VWDE: variants seen among roughly 807,000 people sequenced by gnomAD.
VWDE encodes von Willebrand factor D and EGF domains, also known as von Willebrand factor D and EGF domain-containing protein.
Under a neutral mutation model 178.4 loss-of-function variants are expected in VWDE, and 207 were observed. The observed-to-expected ratio is 1.16, with a 90% confidence interval of 1.04 to 1.30. The LOEUF (loss-of-function observed/expected upper bound fraction) is 1.30, where lower values mean the gene tolerates loss of function less well. Ranked by LOEUF, VWDE falls within the 50% of genes most tolerant of loss-of-function variation. The pLI is 0.00. For missense variants in VWDE, 2,287 were observed against 1,901.3 expected, an observed-to-expected ratio of 1.20 and a Z score of -3.77; for synonymous variants, 738 against 651.4, an observed-to-expected ratio of 1.13 and a Z score of -2.02.
intron 10 of VWDE, 119 bp from the exon 11 acceptor site, chr7:12,370,983 T>A (rs1783167307): frequency 2.4e-6 from 2 of 821,022 alleles, no homozygotes; most frequent in Non-Finnish European, 3.5e-6. Flanking sequence ...AAAAAAAGAA[T>A]AAAATACTGA....
intron 22 of VWDE, among the ~76,000 whole-genome samples, 197 bp from the exon 23 acceptor site, chr7:12,342,351 A>T (rs886904505): frequency 6.6e-6 from 1 of 152,192 alleles, no homozygotes; most frequent in Non-Finnish European, 1.5e-5. Flanking sequence ...ATTTTTGGTT[A>T]ATAGAGAGGG....
intron 6 of VWDE, among the ~76,000 whole-genome samples, chr7:12,379,265 T>C (rs1360011421): frequency 1.3e-5 from 2 of 152,206 alleles, no homozygotes; most frequent in Non-Finnish European, 2.9e-5. Flanking sequence ...CTTTAAAAAA[T>C]GAAGGTACAT....
At position 12,336,245 on chromosome 7, in the gene VWDE, C is replaced by G; in HGVS notation, c.4559-9G>C. On this transcript the variant is annotated splice_polypyrimidine_tract_variant and intron_variant, in intron 26 of 28. Transcript: ENST00000275358. ...TTTCTGCAAGCAGATAGCTGCCAAT[C>G]GAAATATAAACAAGTTAAAATTTTA... 2 of 1,549,574 alleles carry G rather than the reference C, an allele frequency of 1.3e-6. No individual in the cohort carries two copies. The highest frequency in any genetic ancestry group is 1.7e-4 in the Middle Eastern group (1 of 5,926).
chr7:12,379,672 A>T, intron 5 of VWDE, 106 bp from the exon 6 acceptor site: 1 of 635,642 alleles, frequency 1.6e-6, no homozygotes, highest in African/African-American at 1.9e-5. Flanking sequence ...GATAGTATAT[A>T]AAGATAATAA....
Position 12,336,252 on chromosome 7 carries a change from T to C in VWDE, c.4559-16A>G, listed in dbSNP as rs778219166. 1.2e-5 allele frequency: 18 copies of C among 1,547,300 alleles called. No homozygotes were observed. The highest frequency in any genetic ancestry group is 2.5e-5 in the East Asian group (1 of 40,776). ...AAGCAGATAGCTGCCAATCGAAATATAAACAAGTTAAAATTTTAAATTACT... is the reference window on the plus strand; with the variant it reads ...AAGCAGATAGCTGCCAATCGAAATACAAACAAGTTAAAATTTTAAATTACT... On this transcript the variant is annotated splice_polypyrimidine_tract_variant and intron_variant, in intron 26 of 28. Transcript: ENST00000275358.
chr7:12,343,328 C>T, intron 21 of VWDE, 150 bp from the exon 22 acceptor site: 1 of 517,620 alleles, frequency 1.9e-6, no homozygotes, highest in African/African-American at 1.9e-5. Flanking sequence ...TTCTGTGGGA[C>T]TGACTATATT....
chr7:12,377,545 C>T lies in VWDE; in HGVS notation c.1024+231G>A, dbSNP rs146018811. ...ATGATGACGAAGAGGAGATTATTCA[C>T]TATTTTTTTTCTTTTTTTAAAATGT... On this transcript the variant is annotated intron_variant, in intron 7 of 28. Coordinates refer to ENST00000275358, the MANE Select transcript of VWDE (RefSeq NM_001135924.3). The T allele has an allele frequency of 5.2e-3, 1,691 of 323,722 alleles. 30 individuals are homozygous for T. The highest frequency in any genetic ancestry group is 0.032 in the African/African-American group (1,495 of 46,956). The allele number at this position is 323,722 out of a possible 1,614,324, so 20.1% of individuals were successfully genotyped here.
At chr7:12,396,592 A>T (rs1784636635) in intron 1 of VWDE, among the ~76,000 whole-genome samples, 1 of 152,148 alleles carries the variant, frequency 6.6e-6, no homozygotes, top group Non-Finnish European at 1.5e-5. Context: ...TTGGAAAACC[A>T]TTCCATACTC....
chr7:12,400,678 A>T (rs1421742833), intron 1 of VWDE, among the ~76,000 whole-genome samples: 1 of 149,414 alleles, frequency 6.7e-6, no homozygotes, highest in Non-Finnish European at 1.5e-5. Context: ...AAGAAGATGG[A>T]ACACTTTCCA....
intron 28 of VWDE, 92 bp downstream of exon 28, chr7:12,333,373 T>TA (rs928050309): frequency 3.3e-5 from 26 of 797,742 alleles, no homozygotes; most frequent in South Asian, 4.9e-5. Flanking sequence ...TTGGAAATAA[T>TA]AAAAAAACAT....
chr7:12,380,497 G>A lies in VWDE; in HGVS notation c.778C>T (p.Leu260Phe), dbSNP rs1199170806. The part of the protein sequence containing the change: ...LLELDGINLR[L>F]GDRIFCSASV... The stretch of plus-strand genomic sequence containing the variant: ...GTTTTTTAACATACCCTGTCTCCAA[G>A]TCTGAGATTTATGCCATCAAGTTCT... The change falls in exon 5 of 29, where the codon CTT (leucine) becomes TTT (phenylalanine). Residue 260 changes from leucine to phenylalanine, a missense_variant. Leu to Phe is a conservative substitution (Grantham distance 22). Coordinates refer to ENST00000275358, the MANE Select transcript of VWDE (RefSeq NM_001135924.3). 3 of 1,551,576 alleles carry A rather than the reference G, an allele frequency of 1.9e-6. No individual in the cohort carries two copies. The highest frequency in any genetic ancestry group is 3.9e-5 in the Admixed American group (2 of 50,974).
chr7:12,374,226 A>G (rs954555228), intron 9 of VWDE, among the ~76,000 whole-genome samples: 2 of 152,112 alleles, frequency 1.3e-5, no homozygotes, highest in African/African-American at 4.8e-5. Context: ...AGAGGCAAAT[A>G]TCCAGGTATC....
In VWDE at chr7:12,342,166, G is replaced by A; in HGVS notation, c.4175-12C>T. 6.5e-7 allele frequency: 1 copy of A among 1,548,326 alleles called. No individual in the cohort carries two copies. Among genetic ancestry groups the A allele is most frequent in the African/African-American group, 1.4e-5 (1 of 73,082 alleles). ...CCTGTTACAAACCACTGAGATCATA[G>A]AATAAAGAGAAAAGAAAGATTAGGC... is the stretch of plus-strand genomic sequence containing the variant. On this transcript the variant is annotated splice_polypyrimidine_tract_variant and intron_variant, in intron 22 of 28. Coordinates refer to ENST00000275358, the MANE Select transcript of VWDE (RefSeq NM_001135924.3).
intron 28 of VWDE, among the ~76,000 whole-genome samples, chr7:12,331,565 C>G (rs1780724295): frequency 6.6e-6 from 1 of 152,124 alleles, no homozygotes; most frequent in Non-Finnish European, 1.5e-5. Context: ...TTTCTTTCTC[C>G]ACCTCTTTCT....
intron 8 of VWDE, 30 bp downstream of exon 8, chr7:12,374,980 C>T: frequency 6.6e-7 from 1 of 1,522,674 alleles, no homozygotes; most frequent in Non-Finnish European, 8.9e-7. Flanking sequence ...TAAAGCTTCA[C>T]TTGCAGTATT....
chr7:12,383,405 T>G, intron 4 of VWDE, 131 bp downstream of exon 4: 2 of 732,162 alleles, frequency 2.7e-6, no homozygotes, highest in Non-Finnish European at 4.4e-6. Flanking sequence ...ATTTTTATTT[T>G]TGATAGCTAC....
At position 12,403,530 on chromosome 7, in the gene VWDE, A is replaced by G. The variant is rs1785010710; in HGVS notation, c.58+129T>C. On this transcript the variant is annotated intron_variant, in intron 1 of 28. Coordinates refer to ENST00000275358, the MANE Select transcript of VWDE (RefSeq NM_001135924.3). ...GGGACAGAGAGGAGGCGGGTGAGGA[A>G]CAAACATCGCTTGCTGCCTTAAAAC... 5 of 836,858 alleles carry G rather than the reference A, an allele frequency of 6.0e-6. No individual in the cohort carries two copies. The Admixed American group carries it at 8.9e-5, about 15-fold the overall frequency. 51.8% of individuals were successfully genotyped at this position (836,858 alleles called of 1,614,324 possible).
Position 12,367,410 on chromosome 7 carries a change from C to A in VWDE, c.2845G>T (p.Gly949Cys). ...KYNCMMVRVF[G>C]KGFKELPSIK... The stretch of plus-strand genomic sequence containing the variant: ...GAAGGTAATTCTTTGAAGCCTTTGC[C>A]AAAAACTCTCACCATCATACAATTA... The change falls in exon 13 of 29, where the codon GGC (glycine) becomes TGC (cysteine). Residue 949 changes from glycine to cysteine, a missense_variant. Coordinates refer to ENST00000275358, the MANE Select transcript of VWDE (RefSeq NM_001135924.3). The A allele has an allele frequency of 1.3e-6, 2 of 1,546,746 alleles. No homozygotes were observed. The highest frequency in any genetic ancestry group is 1.7e-6 in the Non-Finnish European group (2 of 1,144,460).
intron 10 of VWDE, among the ~76,000 whole-genome samples, chr7:12,371,790 C>A (rs1005554338): frequency 1.3e-5 from 2 of 152,060 alleles, no homozygotes; most frequent in African/African-American, 4.8e-5. Context: ...TTCATGACTA[C>A]AAAGTATTCT....
Sources: allele counts gnomAD v4.1 joint callset (sites outside exome capture counted in the v4.1 genomes callset), GRCh38; gene constraint gnomAD v4.1.1; transcripts MANE v1.5; gene names NCBI Gene and HGNC (gene_info 2026-07-23, HGNC 2026-07-21).